Variants in PTP4A1 observed in about 807,000 individuals in gnomAD.
PTP4A1 encodes the protein protein tyrosine phosphatase 4A1, also known as protein tyrosine phosphatase type IVA 1.
Under a neutral mutation model 20.5 loss-of-function variants are expected in PTP4A1, and 9 were observed. The ratio of observed to expected loss-of-function variants is 0.44; its 90% CI spans 0.26 to 0.77. The LOEUF (loss-of-function observed/expected upper bound fraction) is 0.77, where lower values mean the gene tolerates loss of function less well. PTP4A1 is among the 30% of genes least tolerant of loss of function. PTP4A1 has a pLI of 0.19. For missense variants in PTP4A1, 137 were observed against 218.8 expected (o/e 0.63, Z 2.36); for synonymous variants, 78 against 67.4 (o/e 1.16, Z -0.77).
intron 2 of PTP4A1, among the ~76,000 whole-genome samples, chr6:63,529,864 A>G (rs1431990358): frequency 1.3e-5 from 2 of 152,182 alleles, no homozygotes; most frequent in African/African-American, 4.8e-5. Context: ...AAAATTATCA[A>G]TTAGGTGTAA....
At chr6:63,528,741 G>C (rs1197901) in intron 2 of PTP4A1, among the ~76,000 whole-genome samples, 81,303 of 151,228 alleles carry the variant, frequency 0.54, 23,617 homozygotes, top group African/African-American at 0.77. Context: ...CCAGCCTGGG[G>C]GACAGAGTGA....
Position 63,580,048 on chromosome 6 carries a change from T to C in PTP4A1, c.405-9T>C, listed in dbSNP as rs77267139. 34 of 1,575,790 alleles carry C rather than the reference T, an allele frequency of 2.2e-5. No individual in the cohort carries two copies. Among genetic ancestry groups the C allele is most frequent in the African/African-American group, 2.1e-4 (15 of 72,852 alleles). Reference sequence around the variant, plus strand: ...GCCTTGTTTCATTTTTTTTTTTTTTTCCTCCCAGAAAGCGGCGTGGAGCTT... The same window carrying C: ...GCCTTGTTTCATTTTTTTTTTTTTTCCCTCCCAGAAAGCGGCGTGGAGCTT... On this transcript the variant is annotated splice_polypyrimidine_tract_variant and intron_variant, in intron 5 of 5. Transcript: ENST00000626021.
intron 2 of PTP4A1, among the ~76,000 whole-genome samples, chr6:63,545,906 T>C (rs1776161980): frequency 6.6e-6 from 1 of 152,158 alleles, no homozygotes; most frequent in South Asian, 2.1e-4. Flanking sequence ...AACCTGGTTC[T>C]GTTATTCAAA....
At chr6:63,573,827 G>A (rs1422167049) in intron 1 of PTP4A1, among the ~76,000 whole-genome samples, 1 of 152,178 alleles carries the variant, frequency 6.6e-6, no homozygotes, top group Non-Finnish European at 1.5e-5. Flanking sequence ...AGGACTTCCC[G>A]TCCGGGCACC....
chr6:63,518,154 C>CG (rs1342972451), upstream of PTP4A1, among the ~76,000 whole-genome samples: 1 of 62,112 alleles, frequency 1.6e-5, no homozygotes, highest in African/African-American at 4.9e-5. Flanking sequence ...ACTCCGTCTC[C>CG]AAAAAAAAAA....
chr6:63,556,714 C>T (rs1042374786), intron 3 of PTP4A1, among the ~76,000 whole-genome samples: 2 of 152,186 alleles, frequency 1.3e-5, no homozygotes, highest in Admixed American at 6.5e-5. Flanking sequence ...GTCACTGATA[C>T]TGCTTGTCAG....
At chr6:63,548,553 C>A (rs1326523940) in intron 2 of PTP4A1, among the ~76,000 whole-genome samples, 1 of 152,176 alleles carries the variant, frequency 6.6e-6, no homozygotes, top group Non-Finnish European at 1.5e-5. Flanking sequence ...TCCTTCTATT[C>A]CTCTCTCCAA....
rs140987931 is a variant in PTP4A1, at chr6:63,538,053, C to A, written c.-640+9969C>A. Among the ~76,000 whole-genome samples the A allele has an allele frequency of 3.6e-3, 544 of 152,326 alleles. 2 individuals carry two copies. Among genetic ancestry groups the A allele is most frequent in the African/African-American group, 0.012 (511 of 41,582 alleles). ...AGTAAGAAAGAAAGATAAATTATCT[C>A]TGAAATTATTTTGCAAAATAGTGGG... On this transcript the variant is annotated intron_variant, in intron 2 of 3. Transcript: ENST00000639568.
chr6:63,566,946 A>G (rs1016168023), intron 3 of PTP4A1, among the ~76,000 whole-genome samples: 2 of 152,220 alleles, frequency 1.3e-5, no homozygotes, highest in African/African-American at 4.8e-5. Flanking sequence ...AGTAGATTCT[A>G]TCTCAAGAAA....
At chr6:63,545,170 C>T (rs1297652316) in intron 2 of PTP4A1, among the ~76,000 whole-genome samples, 1 of 152,138 alleles carries the variant, frequency 6.6e-6, no homozygotes, top group Non-Finnish European at 1.5e-5. Flanking sequence ...TAATCTGTTT[C>T]TATCTTTTCT....
intron 3 of PTP4A1, among the ~76,000 whole-genome samples, chr6:63,550,733 T>TC (rs982831471): frequency 6.6e-6 from 1 of 151,910 alleles, no homozygotes; most frequent in Admixed American, 6.6e-5. Flanking sequence ...CAAGCAATTC[T>TC]CCCAGACCCA....
At chr6:63,570,808 T>G (rs1383177010), upstream of PTP4A1, among the ~76,000 whole-genome samples, 2 of 152,218 alleles carry the variant, frequency 1.3e-5, no homozygotes, top group Non-Finnish European at 2.9e-5. Context: ...ACCCTACCCA[T>G]GAAGTATCAC....
intron 2 of PTP4A1, among the ~76,000 whole-genome samples, chr6:63,531,508 T>G (rs184799502): frequency 6.6e-6 from 1 of 151,424 alleles, no homozygotes; most frequent in African/African-American, 2.4e-5. Flanking sequence ...CCATATCTAT[T>G]ATGCTTTTTT....
intron 3 of PTP4A1, among the ~76,000 whole-genome samples, chr6:63,550,652 T>A (rs1776397860): frequency 6.6e-6 from 1 of 152,108 alleles, no homozygotes; most frequent in Non-Finnish European, 1.5e-5. Context: ...TGAGACAGGG[T>A]CTCCCTCTGT....
At chr6:63,525,828 A>G (rs1267968456) in intron 1 of PTP4A1, among the ~76,000 whole-genome samples, 1 of 152,140 alleles carries the variant, frequency 6.6e-6, no homozygotes, top group African/African-American at 2.4e-5. Flanking sequence ...TATCTCTTAA[A>G]ATAGTTGGTG....
upstream of PTP4A1, among the ~76,000 whole-genome samples, chr6:63,519,481 C>T (rs1774846891): frequency 6.6e-6 from 1 of 152,020 alleles, no homozygotes; most frequent in Non-Finnish European, 1.5e-5. Context: ...CCTGTCTTAC[C>T]AGGTGAGGGA....
rs1036647368 is a variant in PTP4A1, at chr6:63,582,559, T to C, written c.*2385T>C. Reference sequence around the variant, plus strand: ...TATCTAATAAGAGTTCAAAGAGTTATGAGTTGAAGTCTTGAATGCAGGAAA... The same window carrying C: ...TATCTAATAAGAGTTCAAAGAGTTACGAGTTGAAGTCTTGAATGCAGGAAA... On this transcript the variant is annotated 3_prime_UTR_variant, in exon 6 of 6. Transcript: ENST00000626021. The C allele has an allele frequency of 6.6e-6, 1 of 152,602 alleles. No individual in the cohort carries two copies. Among genetic ancestry groups the C allele is most frequent in the Non-Finnish European group, 1.5e-5 (1 of 68,044 alleles). The allele number at this position is 152,602 out of a possible 1,614,324, so 9.5% of individuals were successfully genotyped here.
upstream of PTP4A1, among the ~76,000 whole-genome samples, chr6:63,519,307 CA>C (rs796875497): frequency 0.014 from 2,026 of 140,536 alleles, 34 homozygotes; most frequent in African/African-American, 0.048. Flanking sequence ...AACTCTGTCT[CA>C]AAAAAAAAAA....
chr6:63,560,594 G>A (rs1432465801), intron 3 of PTP4A1, among the ~76,000 whole-genome samples: 1 of 151,866 alleles, frequency 6.6e-6, no homozygotes, highest in Non-Finnish European at 1.5e-5. Flanking sequence ...AGTAAAGATG[G>A]GTTTTCGCCA....
Sources: gnomAD v4.1 joint callset for allele counts (sites outside exome capture counted in the v4.1 genomes callset) on GRCh38, gnomAD v4.1.1 for gene constraint, MANE v1.5 for transcripts, NCBI Gene and HGNC (gene_info 2026-07-23, HGNC 2026-07-21) for gene names.